Variants in LRRIQ3 observed in about 807,000 individuals in gnomAD.
LRRIQ3 encodes the protein leucine rich repeats and IQ motif containing 3.
A neutral mutation model predicts 59.3 loss-of-function variants in LRRIQ3; 75 were observed. The ratio of observed to expected loss-of-function variants is 1.26; its 90% confidence interval spans 1.05 to 1.53. The LOEUF (loss-of-function observed/expected upper bound fraction) is 1.53. Among genes scored for constraint, LRRIQ3 ranks in the 40% most tolerant of loss-of-function variants. LRRIQ3 has a pLI of 0.00. For synonymous variants in LRRIQ3, 250 were observed against 231.3 expected (o/e 1.08, Z -0.73); for missense variants, 831 against 710.0 (o/e 1.17, Z -1.94).
chr1:74,069,935 G>A lies in LRRIQ3; in HGVS notation c.997+4726C>T, dbSNP rs145746010. On this transcript the variant is annotated intron_variant, in intron 6 of 7. Transcript: ENST00000354431. ...CAAAACCACAATGAAATGCCATCTC[G>A]CATTAGTCAGAATGGTTATTATAAA... 3.8e-3 allele frequency among the ~76,000 whole-genome samples: 581 copies of A among 151,930 alleles called. 5 individuals are homozygous for A. Among genetic ancestry groups the A allele is most frequent in the African/African-American group, 0.013 (550 of 41,492 alleles).
chr1:74,197,371 T>G (rs1457474608), intron 1 of LRRIQ3, among the ~76,000 whole-genome samples: 1 of 152,198 alleles, frequency 6.6e-6, no homozygotes, highest in Non-Finnish European at 1.5e-5. Context: ...TTACTAATTG[T>G]GATACCTTGA....
At chr1:74,103,796 C>G (rs200692988) in intron 5 of LRRIQ3, among the ~76,000 whole-genome samples, 1 of 151,278 alleles carries the variant, frequency 6.6e-6, no homozygotes. Context: ...TTCCCCCCCC[C>G]GCCATATTTA....
At chr1:74,076,141 A>G (rs1211109712) in intron 5 of LRRIQ3, among the ~76,000 whole-genome samples, 2 of 152,270 alleles carry the variant, frequency 1.3e-5, no homozygotes, top group Admixed American at 1.3e-4. Context: ...GAAAAAGTTC[A>G]GAAGCTTAGA....
At chr1:74,137,526 A>C (rs1453315604) in intron 4 of LRRIQ3, among the ~76,000 whole-genome samples, 1 of 152,058 alleles carries the variant, frequency 6.6e-6, no homozygotes, top group Non-Finnish European at 1.5e-5. Flanking sequence ...ATTGTGGAAG[A>C]CAGTGTGGTG....
At chr1:74,149,700 T>C (rs961937296) in intron 4 of LRRIQ3, among the ~76,000 whole-genome samples, 2 of 152,218 alleles carry the variant, frequency 1.3e-5, no homozygotes, top group African/African-American at 2.4e-5. Context: ...CTTTACTCTG[T>C]TTGGGTATAA....
chr1:74,041,376 G>C lies in LRRIQ3; in HGVS notation c.1555C>G (p.Gln519Glu). The change falls in exon 7 of 8, where the codon CAA becomes GAA. Residue 519 changes from glutamine to glutamate, a missense_variant. By Grantham distance (29) the Gln-to-Glu change is conservative (BLOSUM62 2). Transcript: ENST00000354431. ...AGAGTGCGCTCATTATTTAAGTTTT[G>C]AACTAATAAACGCTCTGAAGCCTTT... ...SQKASERLLV[Q>E]NLNNERTLLT... The C allele has an allele frequency of 1.9e-6, 3 of 1,613,768 alleles. No homozygotes were observed. The highest frequency in any genetic ancestry group is 2.5e-6 in the Non-Finnish European group (3 of 1,179,882).
chr1:74,165,982 T>C (rs1346985855), intron 3 of LRRIQ3, among the ~76,000 whole-genome samples: 1 of 151,702 alleles, frequency 6.6e-6, no homozygotes, highest in African/African-American at 2.4e-5. Flanking sequence ...TTTAAAGATT[T>C]CTATGCTTAT....
intron 6 of LRRIQ3, among the ~76,000 whole-genome samples, chr1:74,042,791 G>A (rs1654086260): frequency 6.6e-6 from 1 of 151,990 alleles, no homozygotes; most frequent in African/African-American, 2.4e-5. Flanking sequence ...GTGTGACCAT[G>A]GGCTAAGTCC....
chr1:74,182,657 T>A lies in LRRIQ3; in HGVS notation c.454A>T (p.Lys152Ter). The A allele has an allele frequency of 6.2e-7, 1 of 1,611,852 alleles. No homozygotes were observed. The highest frequency in any genetic ancestry group is 1.1e-5 in the South Asian group (1 of 90,904). The stretch of plus-strand genomic sequence containing the variant: ...GAAATCACATGATGATCCAGCGCTT[T>A]GAGAGGCCATATACTGTTAACAAGA... Reference protein sequence around the residue: ...HVLVNSIWPLKALDHHVISDE... With the variant: ...HVLVNSIWPL Residue 152 changes from lysine (K) to a stop codon, truncating the protein, a stop_gained, in exon 3 of 8, where the codon AAA (lysine) becomes TAA (stop). Coordinates refer to ENST00000354431, the MANE Select transcript of LRRIQ3 (RefSeq NM_001105659.2). LOFTEE classifies it high-confidence loss of function.
chr1:74,090,680 GA>G (rs1351911868), intron 5 of LRRIQ3, among the ~76,000 whole-genome samples: 15 of 152,030 alleles, frequency 9.9e-5, no homozygotes, highest in African/African-American at 3.4e-4. Flanking sequence ...TTGAGCCCAG[GA>G]TTTCAAGACC....
chr1:74,097,956 G>A (rs1646471660), intron 5 of LRRIQ3, among the ~76,000 whole-genome samples: 3 of 152,148 alleles, frequency 2.0e-5, no homozygotes, highest in South Asian at 4.1e-4. Flanking sequence ...AAAATTTGCC[G>A]AATTGTAAAG....
At chr1:74,027,053 A>T in intron 7 of LRRIQ3, 84 bp from the exon 8 acceptor site, 1 of 916,826 alleles carries the variant, frequency 1.1e-6, no homozygotes, top group Non-Finnish European at 1.6e-6. Context: ...AATGATAATA[A>T]TTAGATGTCT....
chr1:74,031,461 AG>A (rs1653709557), intron 7 of LRRIQ3, among the ~76,000 whole-genome samples: 1 of 152,118 alleles, frequency 6.6e-6, no homozygotes, highest in African/African-American at 2.4e-5. Context: ...TGTCCTTTGT[AG>A]GGACATGGAT....
Position 74,137,930 on chromosome 1 carries a change from C to T in LRRIQ3, c.707+17803G>A, listed in dbSNP as rs749205600. 5.8e-5 allele frequency among the ~76,000 whole-genome samples: 8 copies of T among 138,750 alleles called. No homozygotes were observed. The South Asian group carries it at 8.1e-4, about 14-fold the overall frequency. 91.0% of individuals were successfully genotyped at this position (138,750 alleles called of 152,430 possible). On this transcript the variant is annotated intron_variant, in intron 4 of 7. Transcript: ENST00000354431. The stretch of plus-strand genomic sequence containing the variant: ...ACACAGGGAGGGGAACATCACACAC[C>T]GGGGCCTGTCAGGGGGTGGGAGGGT...
chr1:74,155,585 G>T, intron 4 of LRRIQ3, 148 bp downstream of exon 4: 2 of 544,322 alleles, frequency 3.7e-6, no homozygotes, highest in Non-Finnish European at 6.2e-6. Context: ...AGAGTCTGTG[G>T]TATTTTTCTT....
chr1:74,181,425 T>A (rs1269915056), intron 3 of LRRIQ3: 1 of 151,894 alleles, frequency 6.6e-6, no homozygotes, highest in Non-Finnish European at 1.5e-5. Flanking sequence ...ATTATATTCA[T>A]CAAGTCTAAG....
intron 7 of LRRIQ3, among the ~76,000 whole-genome samples, chr1:74,027,229 T>C (rs372949174): frequency 2.2e-4 from 33 of 152,194 alleles, no homozygotes; most frequent in African/African-American, 7.2e-4. Context: ...AACTACCCTA[T>C]GTCATCACCT....
intron 4 of LRRIQ3, among the ~76,000 whole-genome samples, chr1:74,122,502 C>A (rs1646874710): frequency 6.6e-6 from 1 of 152,050 alleles, no homozygotes. Flanking sequence ...TGGAACAGAA[C>A]AGAGCCCTCA....
chr1:74,057,419 A>T (rs1654569506), intron 6 of LRRIQ3, among the ~76,000 whole-genome samples: 1 of 152,134 alleles, frequency 6.6e-6, no homozygotes, highest in Admixed American at 6.6e-5. Context: ...GTGGAACATA[A>T]TAGAGAGCCC....
Sources: allele counts gnomAD v4.1 joint callset (sites outside exome capture counted in the v4.1 genomes callset), GRCh38; gene constraint gnomAD v4.1.1; transcripts MANE v1.5; gene names NCBI Gene and HGNC (gene_info 2026-07-23, HGNC 2026-07-21).